NCALD: variants seen among roughly 807,000 people sequenced by gnomAD.
The protein encoded by NCALD is neurocalcin delta, also known as neurocalcin-delta.
In NCALD, 10 loss-of-function variants were observed where a neutral mutation model predicts 18.6. The observed-to-expected ratio is 0.54, with a 90% confidence interval of 0.33 to 0.91. The LOEUF is 0.91. NCALD is among the 40% of genes least tolerant of loss of function. The pLI, the probability that NCALD is intolerant of heterozygous loss-of-function variation, is 0.03. For synonymous variants in NCALD, 88 were observed against 87.4 expected, an observed-to-expected ratio of 1.01 and a Z score of -0.04; for missense variants, 184 against 247.6, an observed-to-expected ratio of 0.74 and a Z score of 1.72.
intron 2 of NCALD, among the ~76,000 whole-genome samples, chr8:101,955,512 C>T (rs1484509744): frequency 6.6e-6 from 1 of 152,126 alleles, no homozygotes; most frequent in African/African-American, 2.4e-5. Context: ...CCCATTTGCT[C>T]ATTTTGCAAA....
At chr8:101,718,069 A>C (rs74505856) in intron 2 of NCALD, among the ~76,000 whole-genome samples, 9,298 of 152,198 alleles carry the variant, frequency 0.061, 298 homozygotes, top group Middle Eastern at 0.14. Flanking sequence ...CAGTTTAAGA[A>C]ATTCAAGCTT....
intron 4 of NCALD, among the ~76,000 whole-genome samples, chr8:101,868,638 G>T (rs1354365776): frequency 6.6e-6 from 1 of 152,188 alleles, no homozygotes; most frequent in South Asian, 2.1e-4. Context: ...GGTTGCAGAA[G>T]GCAACTCCTT....
At chr8:102,067,704 C>G (rs1461696402) in intron 1 of NCALD, among the ~76,000 whole-genome samples, 1 of 152,198 alleles carries the variant, frequency 6.6e-6, no homozygotes, top group African/African-American at 2.4e-5. Context: ...TTTGTAGCCC[C>G]AGAGTCCATT....
At chr8:102,031,047 A>C (rs867441528) in intron 1 of NCALD, among the ~76,000 whole-genome samples, 33 of 152,278 alleles carry the variant, frequency 2.2e-4, no homozygotes, top group Middle Eastern at 6.8e-3. Context: ...ATATTACAAA[A>C]AGACAAACAA....
At position 102,030,500 on chromosome 8, in the gene NCALD, C is replaced by A. The variant is rs141623132; in HGVS notation, c.-209-10211G>T. On this transcript the variant is annotated intron_variant, in intron 1 of 6. Coordinates refer to the NCALD transcript ENST00000311028. ...TAAACCTTTGGAGGATGAAACAGAA[C>A]CAACTTATTATTTTGAAACGTGGTC... 8.4e-3 allele frequency among the ~76,000 whole-genome samples: 1,284 copies of A among 152,278 alleles called. 5 individuals are homozygous for A. Among genetic ancestry groups the A allele is most frequent in the Non-Finnish European group, 0.015 (1,048 of 68,016 alleles).
chr8:101,901,980 G>T (rs1308897139), intron 3 of NCALD, among the ~76,000 whole-genome samples: 3 of 151,938 alleles, frequency 2.0e-5, no homozygotes, highest in South Asian at 2.1e-4. Flanking sequence ...TAGTAGAGAT[G>T]GGGTTTCACC....
intron 1 of NCALD, among the ~76,000 whole-genome samples, chr8:101,771,747 CCTT>C (rs1450469550): frequency 6.6e-6 from 1 of 152,140 alleles, no homozygotes; most frequent in Non-Finnish European, 1.5e-5. Flanking sequence ...ACAATTTATG[CCTT>C]ATTATTCTTA....
intron 4 of NCALD, among the ~76,000 whole-genome samples, chr8:101,858,890 A>C (rs952422254): frequency 4.6e-5 from 7 of 152,200 alleles, no homozygotes; most frequent in African/African-American, 1.7e-4. Flanking sequence ...CAACAAAACA[A>C]GAGGAGAAAT....
At chr8:101,861,912 TG>T (rs1445358454) in intron 4 of NCALD, among the ~76,000 whole-genome samples, 3 of 152,222 alleles carry the variant, frequency 2.0e-5, no homozygotes, top group Non-Finnish European at 4.4e-5. Context: ...ATTTTTTCAC[TG>T]TACAGTGCTG....
chr8:101,843,218 T>C (rs975941667), intron 4 of NCALD, among the ~76,000 whole-genome samples: 4 of 152,234 alleles, frequency 2.6e-5, no homozygotes, highest in Non-Finnish European at 4.4e-5. Flanking sequence ...ATCTGTTGAA[T>C]AAATGAGTCA....
intron 1 of NCALD, among the ~76,000 whole-genome samples, chr8:102,067,289 AAAC>A (rs1824040727): frequency 1.3e-5 from 2 of 152,214 alleles, no homozygotes; most frequent in Non-Finnish European, 2.9e-5. Flanking sequence ...AGCCATTTTA[AAAC>A]AACAACTGAA....
rs139010128 is a variant in NCALD, at chr8:102,109,767, G to A, written c.-210+14470C>T. On this transcript the variant is annotated intron_variant, in intron 1 of 6. Coordinates refer to the NCALD transcript ENST00000311028. ...CCCCTTTGTATCTTTGAAATGAAGT[G>A]TATTTGTGTGCACACATAAATACAA... 2.9e-3 allele frequency among the ~76,000 whole-genome samples: 446 copies of A among 152,092 alleles called. 1 individual carries two copies. Among genetic ancestry groups the A allele is most frequent in the Non-Finnish European group, 4.3e-3 (295 of 67,980 alleles).
chr8:101,979,926 G>C (rs1372899181), intron 2 of NCALD, among the ~76,000 whole-genome samples: 1 of 152,218 alleles, frequency 6.6e-6, no homozygotes, highest in Non-Finnish European at 1.5e-5. Flanking sequence ...AGCCAGGATA[G>C]TCCTTGTGTT....
intron 2 of NCALD, among the ~76,000 whole-genome samples, chr8:101,710,829 T>A (rs941257845): frequency 3.9e-5 from 6 of 152,206 alleles, no homozygotes; most frequent in Non-Finnish European, 8.8e-5. Context: ...GGAGCAGCTG[T>A]GGGTGCAGCT....
chr8:102,074,156 C>T (rs1824268774), intron 1 of NCALD, among the ~76,000 whole-genome samples: 1 of 152,102 alleles, frequency 6.6e-6, no homozygotes, highest in Admixed American at 6.6e-5. Flanking sequence ...ACTGAAGTGG[C>T]AAAGGAGAAA....
intron 1 of NCALD, among the ~76,000 whole-genome samples, chr8:102,062,728 C>G (rs1025792322): frequency 6.6e-6 from 1 of 152,188 alleles, no homozygotes; most frequent in African/African-American, 2.4e-5. Context: ...CCTCTTTGAA[C>G]CAACAGCATT....
At chr8:101,818,105 T>C (rs1813572495) in intron 4 of NCALD, among the ~76,000 whole-genome samples, 1 of 152,174 alleles carries the variant, frequency 6.6e-6, no homozygotes, top group South Asian at 2.1e-4. Context: ...ATATATTCTT[T>C]AAAATGTCAA....
intron 1 of NCALD, among the ~76,000 whole-genome samples, chr8:102,077,856 G>A (rs991909097): frequency 3.3e-5 from 5 of 152,222 alleles, no homozygotes; most frequent in Middle Eastern, 3.4e-3. Flanking sequence ...TCTAGATATC[G>A]GGGTACCCCA....
At chr8:101,888,296 A>G (rs1238506613) in intron 3 of NCALD, among the ~76,000 whole-genome samples, 1 of 152,044 alleles carries the variant, frequency 6.6e-6, no homozygotes, top group Non-Finnish European at 1.5e-5. Context: ...GTCTATAAAA[A>G]CCCTAGTACT....
Sources: allele counts gnomAD v4.1 joint callset (sites outside exome capture counted in the v4.1 genomes callset), GRCh38; gene constraint gnomAD v4.1.1; transcripts MANE v1.5; gene names NCBI Gene and HGNC (gene_info 2026-07-23, HGNC 2026-07-21).